The following SLC5A3 variants were observed in gnomAD, a reference collection of about 807,000 sequenced individuals.
The protein encoded by SLC5A3 is sodium/myo-inositol cotransporter.
A neutral mutation model predicts 43.2 loss-of-function variants in SLC5A3; 10 were observed. That is an observed-to-expected ratio of 0.23 (90% confidence interval 0.14 to 0.39). SLC5A3 has a LOEUF of 0.39. Ranked by LOEUF, SLC5A3 falls within the 10% of genes least tolerant of loss-of-function variation. The pLI, the probability that SLC5A3 is intolerant of heterozygous loss-of-function variation, is 1.00. For synonymous variants in SLC5A3, 349 were observed against 322.0 expected, an observed-to-expected ratio of 1.08 and a Z score of -0.90; for missense variants, 608 against 893.4, an observed-to-expected ratio of 0.68 and a Z score of 4.07.
chr21:34,096,673 G>A lies in SLC5A3; in HGVS notation c.1475G>A (p.Arg492His), dbSNP rs191539072. ...CGTTTGATACTGGCCTTTGCCTACCGTGCCCCAGAATGTGACCAACCTGAT... is the reference window on the plus strand; with the variant it reads ...CGTTTGATACTGGCCTTTGCCTACCATGCCCCAGAATGTGACCAACCTGAT... ...AVRLILAFAY[R>H]APECDQPDNR... The change falls in exon 2 of 2, where the codon CGT (arginine) becomes CAT (histidine). Residue 492 changes from arginine to histidine, a missense_variant. Physicochemically the swap from Arg to His is conservative, Grantham distance 29. This residue lies in a region of SLC5A3 where 398 missense variants were observed against 668.6 expected (regional missense o/e 0.60). Coordinates refer to ENST00000381151, the MANE Select transcript of SLC5A3 (RefSeq NM_006933.7). This position sits in a 1 kb window ranked among gnomAD's most constrained non-coding sequence, Gnocchi z 5.9. 8.7e-6 allele frequency: 14 copies of A among 1,614,098 alleles called. No homozygotes were observed. The highest frequency in any genetic ancestry group is 3.3e-5 in the Admixed American group (2 of 60,016).
intron 1 of SLC5A3, among the ~76,000 whole-genome samples, chr21:34,084,316 A>G (rs1330495690): frequency 2.0e-5 from 3 of 152,174 alleles, no homozygotes; most frequent in Non-Finnish European, 2.9e-5. Flanking sequence ...AGTCACATGG[A>G]AAGATGAGCA....
Position 34,097,598 on chromosome 21 carries a change from A to G in SLC5A3, c.*243A>G. 8.0e-7 allele frequency: 1 copy of G among 1,242,560 alleles called. No homozygotes were observed. Among genetic ancestry groups the G allele is most frequent in the Non-Finnish European group, 1.0e-6 (1 of 982,628 alleles). The allele number at this position is 1,242,560 out of a possible 1,614,324, so 77.0% of individuals were successfully genotyped here. A position where few individuals can be genotyped will look rare whatever the true frequency, so the allele number is the denominator to read the frequency against. On this transcript the variant is annotated 3_prime_UTR_variant, in exon 2 of 2. Transcript: ENST00000381151. ...GTGCAAATGTGGTTTTAAATTTTGCATACCAAAGTAAGAAGAGACCAATTA... is the reference window on the plus strand; with the variant it reads ...GTGCAAATGTGGTTTTAAATTTTGCGTACCAAAGTAAGAAGAGACCAATTA...
intron 1 of SLC5A3, among the ~76,000 whole-genome samples, chr21:34,080,943 C>A (rs746698416): frequency 2.0e-5 from 3 of 152,210 alleles, no homozygotes; most frequent in Non-Finnish European, 4.4e-5. Context: ...ATTTCCAAGA[C>A]TGTTTTATGA....
At chr21:34,087,249 G>C (rs2148655934) in intron 1 of SLC5A3, among the ~76,000 whole-genome samples, 1 of 87,564 alleles carries the variant, frequency 1.1e-5, no homozygotes, top group Non-Finnish European at 2.2e-5. Flanking sequence ...TGGTGGAGGA[G>C]GGAGGAGGCT....
At chr21:34,086,514 TG>T (rs1317953278) in intron 1 of SLC5A3, among the ~76,000 whole-genome samples, 2 of 80,646 alleles carry the variant, frequency 2.5e-5, no homozygotes, top group Non-Finnish European at 5.1e-5. Flanking sequence ...TTCTAGTTTG[TG>T]TTTGTGTGTG....
intron 1 of SLC5A3, among the ~76,000 whole-genome samples, chr21:34,082,739 C>CT (rs976652933): frequency 3.3e-5 from 5 of 151,774 alleles, no homozygotes; most frequent in Non-Finnish European, 7.4e-5. Flanking sequence ...CTTTTTTTGT[C>CT]TTTTTTTTCA....
In SLC5A3 at chr21:34,103,792, T is replaced by C; in HGVS notation, c.*6437T>C. ...TAATCTCAATAAGTTTGTACCACAT[T>C]GATGGAGGGAGAGAATATAAATGTC... On this transcript the variant is annotated 3_prime_UTR_variant, in exon 2 of 2. Coordinates refer to ENST00000381151, the MANE Select transcript of SLC5A3 (RefSeq NM_006933.7). 6.0e-6 allele frequency: 6 copies of C among 1,000,110 alleles called. No homozygotes were observed. Among genetic ancestry groups the C allele is most frequent in the African/African-American group, 1.7e-5 (1 of 57,346 alleles). 62.0% of individuals were successfully genotyped at this position (1,000,110 alleles called of 1,614,324 possible). A position where few individuals can be genotyped will look rare whatever the true frequency, so the allele number is the denominator to read the frequency against.
chr21:34,073,635 C>G lies in SLC5A3; in HGVS notation c.-447C>G, dbSNP rs1428925944. On this transcript the variant is annotated 5_prime_UTR_variant, in exon 1 of 2. Transcript: ENST00000381151. Reference sequence around the variant, plus strand: ...AGTTTCTAGGTCCCCACTGTCCCCGCCGTCCCGCCCCTTCGCGTCCCGGGA... The same window carrying G: ...AGTTTCTAGGTCCCCACTGTCCCCGGCGTCCCGCCCCTTCGCGTCCCGGGA... The G allele has an allele frequency of 7.8e-6, 11 of 1,408,626 alleles. No homozygotes were observed. Among genetic ancestry groups the G allele is most frequent in the Non-Finnish European group, 1.1e-5 (11 of 1,032,570 alleles). 87.3% of individuals were successfully genotyped at this position (1,408,626 alleles called of 1,614,324 possible). A position where few individuals can be genotyped will look rare whatever the true frequency, so the allele number is the denominator to read the frequency against.
At position 34,105,575 on chromosome 21, in the gene SLC5A3, G is replaced by C; in HGVS notation, c.*8220G>C. On this transcript the variant is annotated 3_prime_UTR_variant, in exon 2 of 2. Coordinates refer to ENST00000381151, the MANE Select transcript of SLC5A3 (RefSeq NM_006933.7). ...TTATGATGCTTTGTTCAGATTTTTTGTAAGAGACCAGTTAGTACACTGGGG... is the reference window on the plus strand; with the variant it reads ...TTATGATGCTTTGTTCAGATTTTTTCTAAGAGACCAGTTAGTACACTGGGG... 1 of 1,000,006 alleles carries C rather than the reference G, an allele frequency of 1.0e-6. No homozygotes were observed. 61.9% of individuals were successfully genotyped at this position (1,000,006 alleles called of 1,614,324 possible). A position where few individuals can be genotyped will look rare whatever the true frequency, so the allele number is the denominator to read the frequency against.
chr21:34,102,685 G>A lies in SLC5A3; in HGVS notation c.*5330G>A. 1.0e-6 allele frequency: 1 copy of A among 1,000,178 alleles called. No homozygotes were observed. Among genetic ancestry groups the A allele is most frequent in the Non-Finnish European group, 1.2e-6 (1 of 829,916 alleles). 62.0% of individuals were successfully genotyped at this position (1,000,178 alleles called of 1,614,324 possible). A position where few individuals can be genotyped will look rare whatever the true frequency, so the allele number is the denominator to read the frequency against. On this transcript the variant is annotated 3_prime_UTR_variant, in exon 2 of 2. Transcript: ENST00000381151. Reference sequence around the variant, plus strand: ...TGAAGAGAAAGGATGCTAGAATAAAGTAAGCAGCTGAAGAGCGAGCAAATC... The same window carrying A: ...TGAAGAGAAAGGATGCTAGAATAAAATAAGCAGCTGAAGAGCGAGCAAATC...
chr21:34,100,902 A>C lies in SLC5A3; in HGVS notation c.*3547A>C, dbSNP rs1979207174. ...CTCAGTTACTTGCTACTCAAAGGTT[A>C]GGTCTTCCCTGTTCCTGCTTGGCAG... On this transcript the variant is annotated 3_prime_UTR_variant, in exon 2 of 2. Coordinates refer to ENST00000381151, the MANE Select transcript of SLC5A3 (RefSeq NM_006933.7). 3 of 1,000,172 alleles carry C rather than the reference A, an allele frequency of 3.0e-6. No individual in the cohort carries two copies. Among genetic ancestry groups the C allele is most frequent in the Non-Finnish European group, 3.6e-6 (3 of 829,942 alleles). 62.0% of individuals were successfully genotyped at this position (1,000,172 alleles called of 1,614,324 possible).
intron 1 of SLC5A3, among the ~76,000 whole-genome samples, chr21:34,076,480 A>G (rs1375685331): frequency 1.3e-5 from 2 of 152,210 alleles, no homozygotes; most frequent in Non-Finnish European, 2.9e-5. Context: ...TCACCCAGAA[A>G]TTCCAATACT....
In SLC5A3 at chr21:34,099,632, G is replaced by C; in HGVS notation, c.*2277G>C. The C allele has an allele frequency of 3.0e-6, 3 of 997,814 alleles. No individual in the cohort carries two copies. Among genetic ancestry groups the C allele is most frequent in the Non-Finnish European group, 3.6e-6 (3 of 829,284 alleles). The allele number at this position is 997,814 out of a possible 1,614,324, so 61.8% of individuals were successfully genotyped here. ...TTTTTTTCTCCCTTTATTTAACATT[G>C]AGTCCTAGTAGTTTGGAGAATTAGG... is the stretch of plus-strand genomic sequence containing the variant. On this transcript the variant is annotated 3_prime_UTR_variant, in exon 2 of 2. Transcript: ENST00000381151.
Position 34,103,512 on chromosome 21 carries a change from G to A in SLC5A3, c.*6157G>A, listed in dbSNP as rs1310359450. ...TCCATTGTAGGTTGATAGGTATATCGAGAACAGGTACGTGACAACAGTTTA... is the reference window on the plus strand; with the variant it reads ...TCCATTGTAGGTTGATAGGTATATCAAGAACAGGTACGTGACAACAGTTTA... On this transcript the variant is annotated 3_prime_UTR_variant, in exon 2 of 2. Transcript: ENST00000381151. 2 of 999,532 alleles carry A rather than the reference G, an allele frequency of 2.0e-6. No homozygotes were observed. The highest frequency in any genetic ancestry group is 4.7e-5 in the South Asian group (1 of 21,248). 61.9% of individuals were successfully genotyped at this position (999,532 alleles called of 1,614,324 possible).
Position 34,099,252 on chromosome 21 carries a change from T to G in SLC5A3, c.*1897T>G, listed in dbSNP as rs1259763968. 1 of 1,000,132 alleles carries G rather than the reference T, an allele frequency of 1.0e-6. No individual in the cohort carries two copies. The highest frequency in any genetic ancestry group is 1.7e-5 in the African/African-American group (1 of 57,232). The allele number at this position is 1,000,132 out of a possible 1,614,324, so 62.0% of individuals were successfully genotyped here. A position where few individuals can be genotyped will look rare whatever the true frequency, so the allele number is the denominator to read the frequency against. Reference sequence around the variant, plus strand: ...TTGGGGGCCAAATAGATAGAGCTCATCATTTTCTTGTTTGGAAGTTGAGGC... The same window carrying G: ...TTGGGGGCCAAATAGATAGAGCTCAGCATTTTCTTGTTTGGAAGTTGAGGC... On this transcript the variant is annotated 3_prime_UTR_variant, in exon 2 of 2. Coordinates refer to ENST00000381151, the MANE Select transcript of SLC5A3 (RefSeq NM_006933.7).
In SLC5A3 at chr21:34,100,286, A is replaced by C. The variant is rs1246601152; in HGVS notation, c.*2931A>C. ...AGATCTGATGAGAAGGGCATATTAC[A>C]TTGGTATGCAGGATGATTATTGCAT... On this transcript the variant is annotated 3_prime_UTR_variant, in exon 2 of 2. Transcript: ENST00000381151. The C allele has an allele frequency of 3.0e-6, 3 of 999,982 alleles. No homozygotes were observed. The allele number at this position is 999,982 out of a possible 1,614,324, so 61.9% of individuals were successfully genotyped here.
Position 34,105,625 on chromosome 21 carries a change from TTTAG to T in SLC5A3, c.*8275_*8278del. The T allele has an allele frequency of 2.0e-6, 2 of 1,000,034 alleles. No homozygotes were observed. Among genetic ancestry groups the T allele is most frequent in the Non-Finnish European group, 2.4e-6 (2 of 829,796 alleles). 61.9% of individuals were successfully genotyped at this position (1,000,034 alleles called of 1,614,324 possible). On this transcript the variant is annotated 3_prime_UTR_variant, in exon 2 of 2. Coordinates refer to ENST00000381151, the MANE Select transcript of SLC5A3 (RefSeq NM_006933.7). Reference sequence around the variant, plus strand: ...GGTGTATATTGTGTACATGTGTCATTTTAGTTAGGCATTGTAGGCCAAATGTGAT... The same window carrying T: ...GGTGTATATTGTGTACATGTGTCATTTTAGGCATTGTAGGCCAAATGTGAT...
Position 34,095,673 on chromosome 21 carries a change from T to C in SLC5A3, c.475T>C (p.Tyr159His). The C allele has an allele frequency of 6.2e-7, 1 of 1,613,956 alleles. No individual in the cohort carries two copies. Among genetic ancestry groups the C allele is most frequent in the South Asian group, 1.1e-5 (1 of 91,066 alleles). The change falls in exon 2 of 2, where the codon TAT (tyrosine) becomes CAT (histidine). Residue 159 changes from tyrosine (Y) to histidine (H), a missense_variant. Tyr to His is a moderately conservative substitution (Grantham distance 83). Around this residue, in one of 2 missense-constraint regions of SLC5A3, gnomAD observed 398 missense variants for 668.6 expected, o/e 0.60. Transcript: ENST00000381151. The part of the protein sequence containing the change: ...FIQESLGWNL[Y>H]VSVILLIGMT... The stretch of plus-strand genomic sequence containing the variant: ...CCAGGAGTCTTTGGGTTGGAATCTT[T>C]ATGTGTCTGTCATCCTGCTCATTGG...
intron 1 of SLC5A3, among the ~76,000 whole-genome samples, chr21:34,092,354 G>C (rs950514203): frequency 5.4e-5 from 2 of 36,804 alleles, no homozygotes; most frequent in Non-Finnish European, 9.9e-5. Context: ...TTTTGTTTAA[G>C]TTGGAAAAAT....
Sources: allele counts gnomAD v4.1 joint callset (sites outside exome capture counted in the v4.1 genomes callset), GRCh38; gene constraint gnomAD v4.1.1; regional missense constraint gnomAD v4.1.1; non-coding constraint Gnocchi (gnomAD v3.1); transcripts MANE v1.5; gene names NCBI Gene and HGNC (gene_info 2026-07-23, HGNC 2026-07-21).